Variants in COL27A1 observed in about 807,000 individuals in gnomAD.
COL27A1 encodes collagen alpha-1(XXVII) chain.
A neutral mutation model predicts 251.3 loss-of-function variants in COL27A1; 106 were observed. That is an observed-to-expected ratio of 0.42 (90% CI 0.36 to 0.50). The LOEUF (loss-of-function observed/expected upper bound fraction) is 0.50, where lower values mean the gene tolerates loss of function less well. Among genes scored for constraint, COL27A1 ranks in the 20% least tolerant of loss-of-function variants. The pLI, the probability that COL27A1 is intolerant of heterozygous loss-of-function variation, is 0.00. For missense variants in COL27A1, 2,325 were observed against 2,522.8 expected (o/e 0.92, Z 1.68); for synonymous variants, 1,000 against 986.3 (o/e 1.01, Z -0.26).
intron 50 of COL27A1, 59 bp downstream of exon 50, chr9:114,300,182 C>CT: frequency 2.0e-6 from 3 of 1,501,762 alleles, no homozygotes; most frequent in Non-Finnish European, 2.8e-6. Flanking sequence ...CCCATTCATT[C>CT]ATTTATTCAT....
At chr9:114,273,424 C>G (rs557010679) in intron 36 of COL27A1, 78 of 152,494 alleles carry the variant, frequency 5.1e-4, no homozygotes, top group African/African-American at 1.7e-3. Context: ...CTGGACCGCT[C>G]CATTGGAAAA....
Position 114,275,727 on chromosome 9 carries a change from G to A in COL27A1, c.3676G>A (p.Glu1226Lys), listed in dbSNP as rs1356419749. Reference sequence around the variant, plus strand: ...GAAAGGCCAGGAAGGGCTGATGGGTGAGGACGGGCCCCCCGGCCCCCCTGG... The same window carrying A: ...GAAAGGCCAGGAAGGGCTGATGGGTAAGGACGGGCCCCCCGGCCCCCCTGG... ...GEKGQEGLMG[E>K]DGPPGPPGVT... Residue 1226 changes from glutamate (E) to lysine (K), a missense_variant, in exon 37 of 61, where the codon GAG (glutamate) becomes AAG (lysine). Physicochemically the swap from Glu to Lys is moderately conservative, Grantham distance 56. Transcript: ENST00000356083. The A allele has an allele frequency of 2.6e-6, 4 of 1,549,844 alleles. No homozygotes were observed. The highest frequency in any genetic ancestry group is 3.5e-6 in the Non-Finnish European group (4 of 1,146,832).
At position 114,310,680 on chromosome 9, in the gene COL27A1, T is replaced by C. The variant is rs2131705637; in HGVS notation, c.5568T>C (p.Pro1856=). 6.2e-7 allele frequency: 1 copy of C among 1,614,204 alleles called. No individual in the cohort carries two copies. Among genetic ancestry groups the C allele is most frequent in the South Asian group, 1.1e-5 (1 of 91,078 alleles). ...SGKQYRLEVG[P]ACFL ...AGCAGTACCGCCTGGAAGTTGGACC[T>C]GCGTGCTTCCTCTGACCTCTGACCT... The change falls in exon 61 of 61, where the codon CCT becomes CCC. Residue 1856 remains proline, a synonymous_variant. Coordinates refer to ENST00000356083, the MANE Select transcript of COL27A1 (RefSeq NM_032888.4).
chr9:114,235,500 C>T (rs563145202), intron 16 of COL27A1, 99 bp from the exon 17 acceptor site: 45 of 915,646 alleles, frequency 4.9e-5, no homozygotes, highest in Admixed American at 1.2e-4. Context: ...ACTTGGGAAA[C>T]AGCCTCGGCA....
intron 24 of COL27A1, chr9:114,246,244 G>A (rs890556379): frequency 2.9e-5 from 7 of 244,382 alleles, no homozygotes; most frequent in African/African-American, 1.6e-4. Context: ...CGTTGCTCGT[G>A]TTCCCATCAG....
At chr9:114,278,186 C>T (rs951415488) in intron 37 of COL27A1, among the ~76,000 whole-genome samples, 3 of 147,548 alleles carry the variant, frequency 2.0e-5, no homozygotes, top group South Asian at 4.6e-4. Flanking sequence ...GTGGGGGCAG[C>T]AGCAATGGTA....
intron 7 of COL27A1, among the ~76,000 whole-genome samples, chr9:114,200,014 C>T (rs1345644367): frequency 1.3e-5 from 2 of 152,210 alleles, no homozygotes; most frequent in African/African-American, 4.8e-5. Context: ...CACCCTGCCC[C>T]CTAGCAGGAA....
rs1210209915 is a variant in COL27A1 at position 114,288,500 on chromosome 9, C to A, written c.4033C>A (p.Pro1345Thr). 1 of 1,606,768 alleles carries A rather than the reference C, an allele frequency of 6.2e-7. No individual in the cohort carries two copies. Among genetic ancestry groups the A allele is most frequent in the Admixed American group, 1.7e-5 (1 of 58,750 alleles). ...CAAGGCTGAGGGGCCCCCTGGGCCA[C>A]CTGGAGATCGGGTAAGCCCCCTCCC... ...DGKAEGPPGP[P>T]GDRGPVGDRG... The change falls in exon 42 of 61, where the codon CCT (proline) becomes ACT (threonine). Residue 1345 changes from proline (P) to threonine (T), a missense_variant. This residue lies in a region of COL27A1 where 662 missense variants were observed against 795.3 expected (regional missense o/e 0.83). Transcript: ENST00000356083.
At chr9:114,175,375 G>C (rs1001877945) in intron 3 of COL27A1, among the ~76,000 whole-genome samples, 1 of 152,254 alleles carries the variant, frequency 6.6e-6, no homozygotes, top group African/African-American at 2.4e-5. Context: ...AAATGGCAGC[G>C]TTTTTCCACT....
At chr9:114,270,816 C>G in intron 36 of COL27A1, 35 bp downstream of exon 36, 1 of 1,561,696 alleles carries the variant, frequency 6.4e-7, no homozygotes, top group Non-Finnish European at 8.8e-7. Flanking sequence ...CTGGGGACCC[C>G]GGCAGGGCAT....
chr9:114,221,922 G>A (rs954608773), intron 13 of COL27A1, among the ~76,000 whole-genome samples: 1 of 152,244 alleles, frequency 6.6e-6, no homozygotes. Context: ...CAAGCACCAT[G>A]CACGTCTGTA....
intron 37 of COL27A1, among the ~76,000 whole-genome samples, chr9:114,279,112 T>C (rs1163612828): frequency 3.3e-5 from 5 of 152,296 alleles, no homozygotes; most frequent in African/African-American, 1.2e-4. Flanking sequence ...CAGTCAGCCA[T>C]TGCCGCCACC....
intron 56 of COL27A1, among the ~76,000 whole-genome samples, chr9:114,304,376 T>A (rs1828879055): frequency 1.3e-5 from 2 of 152,180 alleles, no homozygotes; most frequent in South Asian, 4.1e-4. Context: ...TATAACCATG[T>A]TGAGGAGTCT....
chr9:114,178,736 G>C (rs118058030), intron 4 of COL27A1, among the ~76,000 whole-genome samples: 2 of 152,102 alleles, frequency 1.3e-5, no homozygotes, highest in Non-Finnish European at 2.9e-5. Flanking sequence ...GTAGGGGTGC[G>C]GACATAGGTA....
chr9:114,220,038 C>A (rs1830969895), intron 13 of COL27A1, among the ~76,000 whole-genome samples, 194 bp downstream of exon 13: 1 of 152,150 alleles, frequency 6.6e-6, no homozygotes, highest in South Asian at 2.1e-4. Flanking sequence ...TGCACCGTCG[C>A]CCCCCTGTAA....
chr9:114,204,992 G>A, intron 7 of COL27A1, 110 bp from the exon 8 acceptor site: 2 of 960,010 alleles, frequency 2.1e-6, no homozygotes, highest in South Asian at 2.8e-5. Flanking sequence ...CTCCATCCCG[G>A]ATGCAGTACA....
chr9:114,256,558 C>T (rs1002599539), intron 27 of COL27A1, among the ~76,000 whole-genome samples: 8 of 151,944 alleles, frequency 5.3e-5, no homozygotes, highest in East Asian at 1.9e-4. Flanking sequence ...TGCCTAGGGT[C>T]GCCCTGGGAC....
chr9:114,159,273 G>A (rs1848333276), intron 1 of COL27A1, among the ~76,000 whole-genome samples: 1 of 152,214 alleles, frequency 6.6e-6, no homozygotes, highest in Admixed American at 6.5e-5. Flanking sequence ...ACAAGGATTT[G>A]CCCTCTAATT....
intron 1 of COL27A1, among the ~76,000 whole-genome samples, chr9:114,157,109 C>CGCGT (rs1412443462): frequency 6.6e-6 from 1 of 151,438 alleles, no homozygotes; most frequent in Non-Finnish European, 1.5e-5. Flanking sequence ...CACACATACG[C>CGCGT]GCGCGCGGCA....
Sources: gnomAD v4.1 joint callset for allele counts (sites outside exome capture counted in the v4.1 genomes callset) on GRCh38, gnomAD v4.1.1 for gene constraint, gnomAD v4.1.1 regional missense constraint, MANE v1.5 for transcripts, NCBI Gene and HGNC (gene_info 2026-07-23, HGNC 2026-07-21) for gene names.